CNTNAP2: variants seen among roughly 807,000 people sequenced by gnomAD.
The protein encoded by CNTNAP2 is contactin-associated protein-like 2.
Under a neutral mutation model 155.2 loss-of-function variants are expected in CNTNAP2, and 98 were observed. The ratio of observed to expected loss-of-function variants is 0.63; its 90% CI spans 0.54 to 0.75. The LOEUF is 0.75. Ranked by LOEUF, CNTNAP2 falls within the 30% of genes least tolerant of loss-of-function variation. The pLI is 0.00. For synonymous variants in CNTNAP2, 651 were observed against 631.2 expected (o/e 1.03, Z -0.47); for missense variants, 1,727 against 1,688.1 (o/e 1.02, Z -0.40).
chr7:146,786,439 C>G (rs1265183313), intron 2 of CNTNAP2, among the ~76,000 whole-genome samples: 1 of 151,910 alleles, frequency 6.6e-6, no homozygotes, highest in Non-Finnish European at 1.5e-5. Flanking sequence ...TAGAATTGTT[C>G]TTTTATATGC....
intron 10 of CNTNAP2, among the ~76,000 whole-genome samples, chr7:147,414,078 G>T (rs1842274): frequency 6.6e-6 from 1 of 151,930 alleles, no homozygotes; most frequent in African/African-American, 2.4e-5. Flanking sequence ...CATGTTTTAC[G>T]TTACATATTA....
chr7:148,221,002 A>G (rs910801870), intron 19 of CNTNAP2, among the ~76,000 whole-genome samples: 1 of 151,890 alleles, frequency 6.6e-6, no homozygotes, highest in African/African-American at 2.4e-5. Flanking sequence ...TCCCACACAT[A>G]CTTTTATTGT....
At chr7:146,721,812 C>A (rs1349890391) in intron 1 of CNTNAP2, among the ~76,000 whole-genome samples, 13 of 107,260 alleles carry the variant, frequency 1.2e-4, no homozygotes, top group Non-Finnish European at 1.7e-4. Flanking sequence ...TATATATAGT[C>A]TATATATGTA....
At chr7:148,350,444 AT>A (rs1426965445) in intron 21 of CNTNAP2, among the ~76,000 whole-genome samples, 1 of 152,176 alleles carries the variant, frequency 6.6e-6, no homozygotes, top group African/African-American at 2.4e-5. Context: ...GGATCTAATG[AT>A]TTTTTGAGGT....
At chr7:147,134,226 T>C (rs1262164689) in intron 8 of CNTNAP2, among the ~76,000 whole-genome samples, 1 of 151,986 alleles carries the variant, frequency 6.6e-6, no homozygotes, top group African/African-American at 2.4e-5. Context: ...ATGTATTAAT[T>C]TGATTTGGTG....
intron 13 of CNTNAP2, among the ~76,000 whole-genome samples, chr7:147,767,251 CAAACAAACA>C (rs982196833): frequency 9.9e-5 from 15 of 151,876 alleles, no homozygotes; most frequent in African/African-American, 3.6e-4. Flanking sequence ...TAAAAGCAAA[CAAACAAACA>C]AAACAAAACA....
chr7:148,348,013 T>C (rs16883850), intron 21 of CNTNAP2, among the ~76,000 whole-genome samples: 19,361 of 152,268 alleles, frequency 0.13, 1,931 homozygotes, highest in East Asian at 0.5. Flanking sequence ...ATCTCTCTCT[T>C]ACGTTTTCTT....
intron 3 of CNTNAP2, among the ~76,000 whole-genome samples, chr7:146,929,694 A>G (rs1006046031): frequency 8.5e-5 from 13 of 152,182 alleles, no homozygotes; most frequent in Non-Finnish European, 1.8e-4. Flanking sequence ...ACTTTGAAAA[A>G]AATTTAGACA....
chr7:146,720,965 GTATA>G (rs1274860576), intron 1 of CNTNAP2, among the ~76,000 whole-genome samples: 1 of 109,992 alleles, frequency 9.1e-6, no homozygotes, highest in Admixed American at 8.7e-5. Context: ...TATATATACA[GTATA>G]TATATAGACT....
At chr7:147,353,487 T>C (rs1010539142) in intron 9 of CNTNAP2, among the ~76,000 whole-genome samples, 2 of 152,156 alleles carry the variant, frequency 1.3e-5, no homozygotes, top group African/African-American at 4.8e-5. Context: ...CATCCTTTTC[T>C]ATGGCTGCAT....
intron 12 of CNTNAP2, among the ~76,000 whole-genome samples, chr7:147,622,542 A>G (rs1794879788): frequency 6.6e-6 from 1 of 152,102 alleles, no homozygotes; most frequent in South Asian, 2.1e-4. Flanking sequence ...CAGTGGGCCA[A>G]TGAATAAATT....
At chr7:147,527,515 T>G (rs1799350061) in intron 11 of CNTNAP2, among the ~76,000 whole-genome samples, 2 of 152,234 alleles carry the variant, frequency 1.3e-5, no homozygotes, top group African/African-American at 2.4e-5. Flanking sequence ...ACATACTGTA[T>G]GAAAGTCCCT....
chr7:147,002,624 A>G (rs959712371), intron 3 of CNTNAP2, among the ~76,000 whole-genome samples: 6 of 152,044 alleles, frequency 3.9e-5, no homozygotes, highest in Non-Finnish European at 8.8e-5. Flanking sequence ...TAAACTATCA[A>G]TAACAGAAAT....
At chr7:148,353,435 C>A (rs2116602383) in intron 21 of CNTNAP2, among the ~76,000 whole-genome samples, 1 of 152,320 alleles carries the variant, frequency 6.6e-6, no homozygotes, top group African/African-American at 2.4e-5. Context: ...TCCCTTTTGT[C>A]TCTGCAGGGA....
chr7:146,162,259 C>A (rs906884432), intron 1 of CNTNAP2, among the ~76,000 whole-genome samples: 1 of 152,100 alleles, frequency 6.6e-6, no homozygotes, highest in African/African-American at 2.4e-5. Context: ...ATACAATCTA[C>A]CCATCTGACA....
intron 3 of CNTNAP2, among the ~76,000 whole-genome samples, chr7:146,966,693 A>C (rs1465466889): frequency 6.6e-6 from 1 of 152,184 alleles, no homozygotes. Flanking sequence ...TCCAATTCAC[A>C]ATGCAAATGT....
At chr7:147,074,536 A>C (rs1389260396) in intron 4 of CNTNAP2, among the ~76,000 whole-genome samples, 1 of 152,148 alleles carries the variant, frequency 6.6e-6, no homozygotes, top group Non-Finnish European at 1.5e-5. Flanking sequence ...TTCATAATGC[A>C]AAAGCCCCAT....
chr7:147,470,780 C>A lies in CNTNAP2; in HGVS notation c.1671-15155C>A, dbSNP rs2116608103. Among the ~76,000 whole-genome samples the A allele has an allele frequency of 1.3e-5, 2 of 152,020 alleles. 1 individual carries two copies. Among genetic ancestry groups the A allele is most frequent in the Middle Eastern group, 6.8e-3 (2 of 294 alleles). On this transcript the variant is annotated intron_variant, in intron 10 of 23. Coordinates refer to ENST00000361727, the MANE Select transcript of CNTNAP2 (RefSeq NM_014141.6). ...TTTGAGGTGTCTAGTAGATACCTAA[C>A]TGCAGATGAGGTGGGGTGGAGGGCA...
chr7:146,853,797 A>G (rs111572039), intron 3 of CNTNAP2, among the ~76,000 whole-genome samples: 2 of 152,176 alleles, frequency 1.3e-5, no homozygotes, highest in Admixed American at 1.3e-4. Context: ...TGCCTTGACT[A>G]TTGAATGTAT....
Sources: allele counts gnomAD v4.1 joint callset (sites outside exome capture counted in the v4.1 genomes callset), GRCh38; gene constraint gnomAD v4.1.1; transcripts MANE v1.5; gene names NCBI Gene and HGNC (gene_info 2026-07-23, HGNC 2026-07-21).